Variants in PTPRN2 observed in about 807,000 individuals in gnomAD.
PTPRN2 encodes protein tyrosine phosphatase receptor type N2.
PTPRN2 carries 74 observed loss-of-function variants against 118.8 expected under a neutral mutation model. That is an observed-to-expected ratio of 0.62 (90% confidence interval 0.52 to 0.76). The LOEUF is 0.76. Ranked by LOEUF, PTPRN2 falls within the 30% of genes least tolerant of loss-of-function variation. The pLI, the probability that PTPRN2 is intolerant of heterozygous loss-of-function variation, is 0.00. For synonymous variants in PTPRN2, 641 were observed against 608.0 expected, an observed-to-expected ratio of 1.05 and a Z score of -0.80; for missense variants, 1,481 against 1,394.4, an observed-to-expected ratio of 1.06 and a Z score of -0.99.
chr7:158,064,175 G>A (rs1009952197), intron 11 of PTPRN2, among the ~76,000 whole-genome samples: 2 of 152,180 alleles, frequency 1.3e-5, no homozygotes, highest in Admixed American at 6.6e-5. Flanking sequence ...AGAAACCTGG[G>A]GTGAATTCCA....
chr7:158,235,414 TA>T (rs986016618), intron 3 of PTPRN2, among the ~76,000 whole-genome samples: 1 of 152,108 alleles, frequency 6.6e-6, no homozygotes, highest in Non-Finnish European at 1.5e-5. Flanking sequence ...TATTCTGCCA[TA>T]AAAAAGGGTG....
intron 6 of PTPRN2, among the ~76,000 whole-genome samples, chr7:158,166,005 T>G (rs1450681742): frequency 6.6e-6 from 1 of 152,048 alleles, no homozygotes; most frequent in South Asian, 2.1e-4. Context: ...TACGGTCACA[T>G]GCTGGGCCAC....
At position 158,489,930 on chromosome 7, in the gene PTPRN2, G is replaced by C. The variant is rs1416236960; in HGVS notation, c.113-145C>G. On this transcript the variant is annotated intron_variant, in intron 1 of 22. Transcript: ENST00000389418. ...GACCCGGCTTTTCCGAGATGGGGCC[G>C]ATTATTCTGAAGCCAGAACGCTGCG... 3.9e-6 allele frequency: 3 copies of C among 767,940 alleles called. No homozygotes were observed. The East Asian group carries it at 8.2e-5, about 21-fold the overall frequency. The allele number at this position is 767,940 out of a possible 1,614,324, so 47.6% of individuals were successfully genotyped here.
At chr7:158,210,386 C>T (rs923175598) in intron 3 of PTPRN2, among the ~76,000 whole-genome samples, 6 of 151,816 alleles carry the variant, frequency 4.0e-5, no homozygotes, top group Non-Finnish European at 8.8e-5. Flanking sequence ...CCGCCCGCCT[C>T]GGCCTCCCAA....
intron 13 of PTPRN2, among the ~76,000 whole-genome samples, chr7:157,675,414 G>A (rs1317475461): frequency 6.6e-6 from 1 of 152,218 alleles, no homozygotes; most frequent in Non-Finnish European, 1.5e-5. Context: ...GCTCACCCGG[G>A]TGTTGGCTCA....
At chr7:157,613,132 C>A (rs1802487180) in intron 15 of PTPRN2, among the ~76,000 whole-genome samples, 1 of 152,250 alleles carries the variant, frequency 6.6e-6, no homozygotes, top group Admixed American at 6.5e-5. Flanking sequence ...CGTCTCCAGT[C>A]CCGCCTCCCG....
At chr7:158,100,244 GGTGTGTGT>G (rs3065708) in intron 10 of PTPRN2, among the ~76,000 whole-genome samples, 2,389 of 147,398 alleles carry the variant, frequency 0.016, 53 homozygotes, top group East Asian at 0.1. Flanking sequence ...TATTCCATGG[GGTGTGTGT>G]GTGTGTGTGT....
rs758861766 is a variant in PTPRN2, at chr7:157,550,480, G to A, written c.2903-1461C>T. 2.0e-5 allele frequency among the ~76,000 whole-genome samples: 3 copies of A among 152,202 alleles called. No homozygotes were observed. The highest frequency in any genetic ancestry group is 4.8e-5 in the African/African-American group (2 of 41,450). ...CTGGCTGTCAGGACAGCCCCACAGC[G>A]GCTCCACCAGGGAGGCCGGGCGCGA... On this transcript the variant is annotated intron_variant, in intron 21 of 22. Transcript: ENST00000389418. The surrounding 1 kb of genome is among the most constrained non-coding windows in gnomAD (Gnocchi z 5.2).
intron 1 of PTPRN2, among the ~76,000 whole-genome samples, chr7:158,508,613 G>A (rs1822948161): frequency 6.6e-6 from 1 of 150,826 alleles, no homozygotes. Flanking sequence ...GGGGCAACGT[G>A]GGACGCTCGG....
At position 157,785,343 on chromosome 7, in the gene PTPRN2, A is replaced by C. The variant is rs1456846329; in HGVS notation, c.1789-102406T>G. On this transcript the variant is annotated intron_variant, in intron 12 of 22. Coordinates refer to ENST00000389418, the MANE Select transcript of PTPRN2 (RefSeq NM_002847.5). This position sits in a 1 kb window ranked among gnomAD's most constrained non-coding sequence, Gnocchi z 7.3. ...AGCTGCCGCGGGTCCCCCCAACCCC[A>C]AAGCCACTGAGTGAAAACAGACCAC... Among the ~76,000 whole-genome samples the C allele has an allele frequency of 2.6e-5, 4 of 152,186 alleles. No individual in the cohort carries two copies. Among genetic ancestry groups the C allele is most frequent in the Non-Finnish European group, 5.9e-5 (4 of 68,026 alleles).
intron 4 of PTPRN2, among the ~76,000 whole-genome samples, chr7:158,202,285 G>A (rs986301632): frequency 6.6e-6 from 1 of 152,230 alleles, no homozygotes; most frequent in Non-Finnish European, 1.5e-5. Context: ...CAACTGTTGA[G>A]GAAGACGATG....
In PTPRN2 at chr7:157,578,013, C is replaced by T. The variant is rs1174962632; in HGVS notation, c.2616+8G>A. The T allele has an allele frequency of 1.2e-6, 2 of 1,602,882 alleles. No individual in the cohort carries two copies. Among genetic ancestry groups the T allele is most frequent in the Non-Finnish European group, 1.7e-6 (2 of 1,171,950 alleles). On this transcript the variant is annotated splice_region_variant and intron_variant, in intron 18 of 22. Coordinates refer to ENST00000389418, the MANE Select transcript of PTPRN2 (RefSeq NM_002847.5). ...GGGTCCTGCCCTGGGTGGCTCTGGT[C>T]GGAGTACCTCATAGATGTGGTAGAG...
intron 2 of PTPRN2, among the ~76,000 whole-genome samples, chr7:158,434,986 T>G (rs1388302829): frequency 6.6e-6 from 1 of 152,190 alleles, no homozygotes; most frequent in Non-Finnish European, 1.5e-5. Flanking sequence ...ACATAACACC[T>G]GAACCTGTAA....
intron 14 of PTPRN2, among the ~76,000 whole-genome samples, chr7:157,642,950 G>A (rs967149367): frequency 2.7e-5 from 4 of 148,098 alleles, no homozygotes; most frequent in South Asian, 2.3e-4. Context: ...TCTTTCTCCC[G>A]CAGACTCTCT....
At chr7:158,009,627 A>C (rs1299898523) in intron 11 of PTPRN2, among the ~76,000 whole-genome samples, 1 of 152,208 alleles carries the variant, frequency 6.6e-6, no homozygotes, top group Non-Finnish European at 1.5e-5. Context: ...AAACCACGAC[A>C]TCAAGCTGAG....
At chr7:157,746,377 AAGG>A (rs1410471561) in intron 12 of PTPRN2, among the ~76,000 whole-genome samples, 3 of 134,420 alleles carry the variant, frequency 2.2e-5, no homozygotes, top group Middle Eastern at 5.3e-3. Flanking sequence ...GGCCCTGAGC[AAGG>A]AGATCACGGG....
chr7:157,950,426 CCTG>C (rs1800735374), intron 11 of PTPRN2, among the ~76,000 whole-genome samples: 1 of 152,124 alleles, frequency 6.6e-6, no homozygotes, highest in African/African-American at 2.4e-5. Flanking sequence ...CACTGCTGGT[CCTG>C]TCCTGCTCTA....
chr7:157,678,786 A>T (rs1388423792), intron 13 of PTPRN2, among the ~76,000 whole-genome samples: 2 of 152,170 alleles, frequency 1.3e-5, no homozygotes, highest in Non-Finnish European at 2.9e-5. Flanking sequence ...ACTTGCTGAA[A>T]ATTCTGCAGG....
chr7:157,575,030 C>A (rs911153174), intron 19 of PTPRN2, among the ~76,000 whole-genome samples: 2 of 152,136 alleles, frequency 1.3e-5, no homozygotes, highest in African/African-American at 4.8e-5. Flanking sequence ...GACCCTGGAG[C>A]AAGGGAAATT....
Sources: gnomAD v4.1 joint callset for allele counts (sites outside exome capture counted in the v4.1 genomes callset) on GRCh38, gnomAD v4.1.1 for gene constraint, Gnocchi (gnomAD v3.1) non-coding constraint, MANE v1.5 for transcripts, NCBI Gene and HGNC (gene_info 2026-07-23, HGNC 2026-07-21) for gene names.